The following SKIL variants were observed in gnomAD, a reference collection of about 807,000 sequenced individuals.
SKIL encodes the protein ski-like protein.
SKIL carries 20 observed loss-of-function variants against 69.6 expected under a neutral mutation model. The observed-to-expected ratio is 0.29, with a 90% confidence interval of 0.20 to 0.42. The LOEUF (loss-of-function observed/expected upper bound fraction) is 0.42. Among genes scored for constraint, SKIL ranks in the 10% least tolerant of loss-of-function variants. The pLI, the probability that SKIL is intolerant of heterozygous loss-of-function variation, is 1.00. For synonymous variants in SKIL, 310 were observed against 279.9 expected (o/e 1.11, Z -1.08); for missense variants, 745 against 783.1 (o/e 0.95, Z 0.58).
rs769952114 is a variant in SKIL, at chr3:170,391,161, A to G, written c.1797A>G (p.Glu599=). Residue 599 remains glutamate (E), a synonymous_variant, in exon 6 of 7, where the codon GAA becomes GAG. Transcript: ENST00000259119. ...AAAGAATGGAAGAATTTTATGTTGAACAGAAAGACTTAGAGAAAAAATTGG... is the reference window on the plus strand; with the variant it reads ...AAAGAATGGAAGAATTTTATGTTGAGCAGAAAGACTTAGAGAAAAAATTGG... ...HAQRMEEFYV[E]QKDLEKKLEQ... The G allele has an allele frequency of 3.1e-6, 5 of 1,611,760 alleles. 1 individual carries two copies. Among genetic ancestry groups the G allele is most frequent in the South Asian group, 2.2e-5 (2 of 90,958 alleles).
chr3:170,385,246 TA>T (rs1466847606), intron 4 of SKIL, among the ~76,000 whole-genome samples: 25 of 149,524 alleles, frequency 1.7e-4, no homozygotes, highest in African/African-American at 3.0e-4. Context: ...CCTGGCTAAT[TA>T]AAAAAAAAAA....
intron 1 of SKIL, among the ~76,000 whole-genome samples, chr3:170,358,100 A>G (rs916044574): frequency 3.3e-5 from 5 of 152,024 alleles, no homozygotes; most frequent in Non-Finnish European, 5.9e-5. Context: ...CCAGTCCAGC[A>G]GCGCTCCGCG....
At chr3:170,376,042 C>CTTTTT (rs869036195) in intron 2 of SKIL, among the ~76,000 whole-genome samples, 15 of 89,118 alleles carry the variant, frequency 1.7e-4, no homozygotes, top group Admixed American at 7.1e-4. Context: ...GCTGATTTTC[C>CTTTTT]TTTTTTTTTT....
chr3:170,374,914 C>T (rs1227948992), intron 2 of SKIL, among the ~76,000 whole-genome samples: 8 of 152,130 alleles, frequency 5.3e-5, no homozygotes, highest in African/African-American at 9.7e-5. Flanking sequence ...GGATATCAAA[C>T]GTGAAAGAGA....
At chr3:170,381,980 G>A (rs568071212) in intron 3 of SKIL, among the ~76,000 whole-genome samples, 1 of 152,038 alleles carries the variant, frequency 6.6e-6, no homozygotes, top group East Asian at 2.0e-4. Flanking sequence ...TACTCGGGAG[G>A]CTGAGGCAGG....
intron 2 of SKIL, among the ~76,000 whole-genome samples, chr3:170,370,131 C>T (rs889651863): frequency 1.1e-4 from 17 of 151,692 alleles, no homozygotes; most frequent in Admixed American, 3.9e-4. Flanking sequence ...CCCAGCTACT[C>T]GGGAGGCTGA....
chr3:170,360,961 A>G lies in SKIL; in HGVS notation c.630A>G (p.Ile210Met), dbSNP rs144614770. Residue 210 changes from isoleucine to methionine, a missense_variant, in exon 2 of 7, where the codon ATA becomes ATG. Physicochemically the swap from Ile to Met is conservative, Grantham distance 10. Coordinates refer to ENST00000259119, the MANE Select transcript of SKIL (RefSeq NM_005414.5). ...TTCATATCTTAAAGGTACTGGGCAT[A>G]CTTCCATTCAATGCCCCATCCTGTG... ...DQLHILKVLG[I>M]LPFNAPSCGL... 6.2e-7 allele frequency: 1 copy of G among 1,614,142 alleles called. No individual in the cohort carries two copies. Among genetic ancestry groups the G allele is most frequent in the Non-Finnish European group, 8.5e-7 (1 of 1,179,980 alleles).
At chr3:170,369,152 G>A (rs1736678609) in intron 2 of SKIL, among the ~76,000 whole-genome samples, 2 of 149,208 alleles carry the variant, frequency 1.3e-5, no homozygotes, top group South Asian at 2.1e-4. Flanking sequence ...TGTGGTTTAG[G>A]AAATAGAGCC....
At chr3:170,372,739 A>T (rs1032641172) in intron 2 of SKIL, among the ~76,000 whole-genome samples, 1 of 152,134 alleles carries the variant, frequency 6.6e-6, no homozygotes, top group African/African-American at 2.4e-5. Context: ...CCCTGATGAG[A>T]TATATTCACT....
intron 2 of SKIL, among the ~76,000 whole-genome samples, chr3:170,371,827 A>G (rs1304510918): frequency 1.3e-5 from 2 of 152,236 alleles, no homozygotes; most frequent in Non-Finnish European, 2.9e-5. Context: ...GGGTCATGAA[A>G]TCAATTTAGT....
rs556269001 is a variant in SKIL at position 170,367,490 on chromosome 3, G to T, written c.1098+6061G>T. Among the ~76,000 whole-genome samples the T allele has an allele frequency of 4.1e-4, 58 of 141,578 alleles. 1 individual carries two copies. The highest frequency in any genetic ancestry group is 8.5e-3 in the Middle Eastern group (2 of 236). 92.9% of individuals were successfully genotyped at this position (141,578 alleles called of 152,430 possible). ...TTTTTTTTTTTTTTAAATTGAGATG[G>T]AGTTTCGCCCTTGTTGCCCAGGCTG... On this transcript the variant is annotated intron_variant, in intron 2 of 6. Coordinates refer to ENST00000259119, the MANE Select transcript of SKIL (RefSeq NM_005414.5).
rs369698762 is a variant in SKIL, at chr3:170,390,310, T to C, written c.1517T>C (p.Ile506Thr). 6.2e-7 allele frequency: 1 copy of C among 1,613,890 alleles called. No individual in the cohort carries two copies. Among genetic ancestry groups the C allele is most frequent in the African/African-American group, 1.3e-5 (1 of 74,930 alleles). ...NLVRDINKVG[I>T]GLVAAASSPL... ...GTCAGAGACATAAACAAAGTGGGAA[T>C]TGGCCTTGTTGCTGCCGCTTCATCT... is the stretch of plus-strand genomic sequence containing the variant. Residue 506 changes from isoleucine to threonine, a missense_variant, in exon 5 of 7, where the codon ATT becomes ACT. Transcript: ENST00000259119.
At position 170,393,704 on chromosome 3, in the gene SKIL, C is replaced by G. The variant is rs955126710; in HGVS notation, c.*1287C>G. ...TTTAAAGGGAGTTTCCTGAAACTAT[C>G]ATTAATTGACATTATTACCCCATGG... is the stretch of plus-strand genomic sequence containing the variant. On this transcript the variant is annotated 3_prime_UTR_variant, in exon 7 of 7. Transcript: ENST00000259119. 4 of 151,950 alleles carry G rather than the reference C, an allele frequency of 2.6e-5. No homozygotes were observed. The highest frequency in any genetic ancestry group is 6.6e-5 in the Admixed American group (1 of 15,252). The allele number at this position is 151,950 out of a possible 1,614,324, so 9.4% of individuals were successfully genotyped here. A position where few individuals can be genotyped will look rare whatever the true frequency, so the allele number is the denominator to read the frequency against.
intron 2 of SKIL, among the ~76,000 whole-genome samples, chr3:170,370,131 CG>C (rs1159699663): frequency 6.6e-6 from 1 of 151,692 alleles, no homozygotes; most frequent in African/African-American, 2.4e-5. Flanking sequence ...CCCAGCTACT[CG>C]GGAGGCTGAG....
At chr3:170,368,430 GA>G (rs1315302016) in intron 2 of SKIL, among the ~76,000 whole-genome samples, 6 of 152,012 alleles carry the variant, frequency 3.9e-5, no homozygotes, top group Non-Finnish European at 5.9e-5. Context: ...ATAGATTTTT[GA>G]AAAATAACAC....
At chr3:170,388,358 C>T (rs1206353230) in intron 4 of SKIL, among the ~76,000 whole-genome samples, 1 of 142,564 alleles carries the variant, frequency 7.0e-6, no homozygotes, top group African/African-American at 2.5e-5. Flanking sequence ...GGTTGTTTTA[C>T]TATTGAGTTG....
chr3:170,380,266 G>A (rs764424478), intron 2 of SKIL, among the ~76,000 whole-genome samples: 1 of 152,190 alleles, frequency 6.6e-6, no homozygotes, highest in Non-Finnish European at 1.5e-5. Flanking sequence ...ATACTGTAGG[G>A]ATAGGGTATA....
At chr3:170,366,170 A>G (rs546427852) in intron 2 of SKIL, among the ~76,000 whole-genome samples, 41 of 151,988 alleles carry the variant, frequency 2.7e-4, no homozygotes, top group African/African-American at 8.9e-4. Context: ...TTATGTAATC[A>G]AAGTATTGCT....
At chr3:170,383,198 G>T (rs543727593) in intron 3 of SKIL, among the ~76,000 whole-genome samples, 1 of 152,100 alleles carries the variant, frequency 6.6e-6, no homozygotes, top group Admixed American at 6.5e-5. Flanking sequence ...TCCAAGTATG[G>T]TGATAAGGGG....
Sources: allele counts gnomAD v4.1 joint callset (sites outside exome capture counted in the v4.1 genomes callset), GRCh38; gene constraint gnomAD v4.1.1; transcripts MANE v1.5; gene names NCBI Gene and HGNC (gene_info 2026-07-23, HGNC 2026-07-21).